Variants in SLC1A1 observed in about 807,000 individuals in gnomAD.
SLC1A1 encodes the protein solute carrier family 1 member 1.
Under a neutral mutation model 53.3 loss-of-function variants are expected in SLC1A1, and 43 were observed. The ratio of observed to expected loss-of-function variants is 0.81; its 90% CI spans 0.63 to 1.04. The LOEUF (loss-of-function observed/expected upper bound fraction) is 1.04, where lower values mean the gene tolerates loss of function less well. Ranked by LOEUF, SLC1A1 falls within the 50% of genes least tolerant of loss-of-function variation. The pLI is 0.00. For missense variants in SLC1A1, 748 were observed against 664.9 expected, an observed-to-expected ratio of 1.12 and a Z score of -1.37; for synonymous variants, 307 against 243.2, an observed-to-expected ratio of 1.26 and a Z score of -2.44.
intron 10 of SLC1A1, among the ~76,000 whole-genome samples, chr9:4,582,566 G>C (rs774157173): frequency 6.6e-6 from 1 of 152,148 alleles, no homozygotes; most frequent in Non-Finnish European, 1.5e-5. Context: ...TTAAATTCCT[G>C]CCATATATTA....
At chr9:4,546,412 A>G (rs776669628) in intron 2 of SLC1A1, among the ~76,000 whole-genome samples, 1 of 151,938 alleles carries the variant, frequency 6.6e-6, no homozygotes, top group Non-Finnish European at 1.5e-5. Flanking sequence ...AAATATCCAA[A>G]TTGCTGGCTT....
intron 1 of SLC1A1, among the ~76,000 whole-genome samples, chr9:4,494,887 G>C (rs1820359926): frequency 1.3e-5 from 2 of 152,090 alleles, no homozygotes; most frequent in Admixed American, 6.5e-5. Context: ...CATTACTTCT[G>C]TCATTTGAAA....
intron 2 of SLC1A1, among the ~76,000 whole-genome samples, chr9:4,545,189 G>GTCTCCCTCTCTC (rs1554681237): frequency 1.8e-4 from 24 of 130,906 alleles, no homozygotes; most frequent in Admixed American, 1.5e-3. Context: ...TACATTAGAT[G>GTCTCCCTCTCTC]TCTCTCTCTC....
At chr9:4,558,183 A>G (rs1223905860) in intron 2 of SLC1A1, among the ~76,000 whole-genome samples, 1 of 152,156 alleles carries the variant, frequency 6.6e-6, no homozygotes, top group Non-Finnish European at 1.5e-5. Flanking sequence ...TTCAAAGATT[A>G]GGCTGTTTCC....
intron 1 of SLC1A1, among the ~76,000 whole-genome samples, chr9:4,543,106 T>C (rs1329150359): frequency 6.6e-6 from 1 of 152,232 alleles, no homozygotes; most frequent in African/African-American, 2.4e-5. Context: ...TTTGGTCTAC[T>C]AGTGGGCATG....
rs761763667 is a variant in SLC1A1 at position 4,490,655 on chromosome 9, C to T, written c.-25C>T. On this transcript the variant is annotated 5_prime_UTR_variant, in exon 1 of 12. Transcript: ENST00000262352. Reference sequence around the variant, plus strand: ...CCAGCCCACGCGCGCACGGCCGAGCCCAGCGCACAATAGCGGCGACAGCCA... The same window carrying T: ...CCAGCCCACGCGCGCACGGCCGAGCTCAGCGCACAATAGCGGCGACAGCCA... The T allele has an allele frequency of 8.1e-6, 13 of 1,605,890 alleles. No homozygotes were observed. Among genetic ancestry groups the T allele is most frequent in the Admixed American group, 3.3e-5 (2 of 59,882 alleles).
At chr9:4,534,638 G>C (rs1386479623) in intron 1 of SLC1A1, among the ~76,000 whole-genome samples, 1 of 151,992 alleles carries the variant, frequency 6.6e-6, no homozygotes, top group Non-Finnish European at 1.5e-5. Flanking sequence ...GAGGTACAAG[G>C]AGGTGCTGGT....
In SLC1A1 at chr9:4,490,561, G is replaced by T; in HGVS notation, c.-119G>T. ...GGTGACGGCGGCGACTGCAGCGGCC[G>T]GCTCTCACCTCTCCCCTGTGCACCC... On this transcript the variant is annotated 5_prime_UTR_variant, in exon 1 of 12. Transcript: ENST00000262352. 1 of 654,320 alleles carries T rather than the reference G, an allele frequency of 1.5e-6. No homozygotes were observed. The highest frequency in any genetic ancestry group is 2.3e-5 in the South Asian group (1 of 43,912). The allele number at this position is 654,320 out of a possible 1,614,324, so 40.5% of individuals were successfully genotyped here.
intron 2 of SLC1A1, among the ~76,000 whole-genome samples, chr9:4,550,581 G>C (rs558384054): frequency 6.6e-6 from 1 of 152,202 alleles, no homozygotes; most frequent in African/African-American, 2.4e-5. Context: ...TGTCGCGATA[G>C]GGTCTTGATA....
chr9:4,528,967 C>T (rs1816369506), intron 1 of SLC1A1, among the ~76,000 whole-genome samples: 3 of 152,090 alleles, frequency 2.0e-5, no homozygotes. Context: ...TATCACCATC[C>T]ACCCTGTTAC....
intron 1 of SLC1A1, among the ~76,000 whole-genome samples, chr9:4,539,864 CCG>C (rs763766604): frequency 6.6e-6 from 1 of 152,090 alleles, no homozygotes; most frequent in Non-Finnish European, 1.5e-5. Context: ...GCCACTGTAC[CCG>C]ACCTTACCAA....
chr9:4,558,952 T>A (rs1230232695), intron 2 of SLC1A1, among the ~76,000 whole-genome samples: 1 of 152,234 alleles, frequency 6.6e-6, no homozygotes, highest in Non-Finnish European at 1.5e-5. Context: ...ATTATTACAG[T>A]TATCAAAACA....
rs1817728603 is a variant in SLC1A1, at chr9:4,549,224, C to G, written c.232+4517C>G. Among the ~76,000 whole-genome samples the G allele has an allele frequency of 6.6e-6, 1 of 152,158 alleles. No homozygotes were observed. Among genetic ancestry groups the G allele is most frequent in the Admixed American group, 6.5e-5 (1 of 15,274 alleles). On this transcript the variant is annotated intron_variant, in intron 2 of 11. Transcript: ENST00000262352. The surrounding 1 kb of genome is among the most constrained non-coding windows in gnomAD (Gnocchi z 4.1). Reference sequence around the variant, plus strand: ...GCTCAGGAAGAGGTTGCAGCTCTTCCACTTTAGCCTCTGCCACCCCCGCCT... The same window carrying G: ...GCTCAGGAAGAGGTTGCAGCTCTTCGACTTTAGCCTCTGCCACCCCCGCCT...
chr9:4,557,071 G>A (rs896194483), intron 2 of SLC1A1, among the ~76,000 whole-genome samples: 3 of 152,198 alleles, frequency 2.0e-5, no homozygotes, highest in African/African-American at 7.2e-5. Context: ...GGGACTACCT[G>A]CTGAGGTCCA....
chr9:4,552,988 A>G (rs947044754), intron 2 of SLC1A1, among the ~76,000 whole-genome samples: 4 of 152,040 alleles, frequency 2.6e-5, no homozygotes, highest in Non-Finnish European at 5.9e-5. Context: ...CTCTGCCATC[A>G]GTTTGTAAAG....
At chr9:4,545,787 G>A (rs895168486) in intron 2 of SLC1A1, among the ~76,000 whole-genome samples, 2 of 152,200 alleles carry the variant, frequency 1.3e-5, no homozygotes, top group Non-Finnish European at 2.9e-5. Flanking sequence ...CCTTTGAAGA[G>A]GAAGCTTCCT....
At chr9:4,584,413 C>A (rs1027620340) in intron 11 of SLC1A1, among the ~76,000 whole-genome samples, 1 of 152,150 alleles carries the variant, frequency 6.6e-6, no homozygotes, top group Non-Finnish European at 1.5e-5. Flanking sequence ...TTCCTGGAAC[C>A]AGTTACCTTC....
chr9:4,535,168 C>G (rs1393806273), intron 1 of SLC1A1, among the ~76,000 whole-genome samples: 1 of 152,160 alleles, frequency 6.6e-6, no homozygotes, highest in Non-Finnish European at 1.5e-5. Context: ...TGACCTCTCT[C>G]ACCACTCCTA....
chr9:4,515,994 C>G (rs977918946), intron 1 of SLC1A1, among the ~76,000 whole-genome samples: 1 of 152,192 alleles, frequency 6.6e-6, no homozygotes, highest in African/African-American at 2.4e-5. Flanking sequence ...TCTTCAACCA[C>G]TTCAAAATGT....
Sources: gnomAD v4.1 joint callset for allele counts (sites outside exome capture counted in the v4.1 genomes callset) on GRCh38, gnomAD v4.1.1 for gene constraint, Gnocchi (gnomAD v3.1) non-coding constraint, MANE v1.5 for transcripts, NCBI Gene and HGNC (gene_info 2026-07-23, HGNC 2026-07-21) for gene names.